LRP1B: variants seen among roughly 807,000 people sequenced by gnomAD.
LRP1B encodes the protein LDL receptor related protein 1B, also known as low-density lipoprotein receptor-related protein 1B.
Under a neutral mutation model 556.6 loss-of-function variants are expected in LRP1B, and 217 were observed. The observed-to-expected ratio is 0.39, with a 90% confidence interval of 0.35 to 0.44. The LOEUF (loss-of-function observed/expected upper bound fraction) is 0.44, where lower values mean the gene tolerates loss of function less well. LRP1B is among the 20% of genes least tolerant of loss of function. The pLI, the probability that LRP1B is intolerant of heterozygous loss-of-function variation, is 1.00. For synonymous variants in LRP1B, 2,047 were observed against 1,865.8 expected, an observed-to-expected ratio of 1.10 and a Z score of -2.50; for missense variants, 5,053 against 5,620.8, an observed-to-expected ratio of 0.90 and a Z score of 3.23.
rs70991157 is a variant in LRP1B at position 141,315,882 on chromosome 2, CTTTTTTTTTTTTTTTTT to C, written c.344-61258_344-61242del. Among the ~76,000 whole-genome samples the C allele has an allele frequency of 8.5e-3, 154 of 18,162 alleles. 3 individuals carry two copies. The South Asian group carries it at 0.13, about 15-fold the overall frequency. 11.9% of individuals were successfully genotyped at this position (18,162 alleles called of 152,430 possible). ...GAAAATCCTCTATCTTTAGTCTGGT[CTTTTTTTTTTTTTTTTT>C]TTTTTTTTTTTTTTTTTTAACATCT... On this transcript the variant is annotated intron_variant, in intron 3 of 90. Transcript: ENST00000389484.
intron 21 of LRP1B, among the ~76,000 whole-genome samples, chr2:140,915,541 C>T (rs1181342994): frequency 6.6e-6 from 1 of 151,762 alleles, no homozygotes; most frequent in African/African-American, 2.4e-5. Flanking sequence ...ATAATCCCAG[C>T]TACTCAGGAG....
chr2:141,773,710 T>C (rs1694970316), intron 2 of LRP1B, among the ~76,000 whole-genome samples: 3 of 151,806 alleles, frequency 2.0e-5, no homozygotes, highest in Admixed American at 2.0e-4. Context: ...GACTTTAAAC[T>C]CTTCTTTGGA....
chr2:140,391,638 G>A (rs1003151872), intron 66 of LRP1B, among the ~76,000 whole-genome samples: 1 of 152,072 alleles, frequency 6.6e-6, no homozygotes, highest in Non-Finnish European at 1.5e-5. Flanking sequence ...AGCATGGGAA[G>A]GTAGTATGAA....
At chr2:141,479,324 A>G (rs1037999049) in intron 3 of LRP1B, among the ~76,000 whole-genome samples, 40 of 152,160 alleles carry the variant, frequency 2.6e-4, no homozygotes, top group African/African-American at 9.4e-4. Context: ...TGACTATACA[A>G]TGTTTTAAAA....
At chr2:142,047,260 T>C (rs531746425) in intron 1 of LRP1B, among the ~76,000 whole-genome samples, 1 of 151,982 alleles carries the variant, frequency 6.6e-6, no homozygotes, top group Admixed American at 6.6e-5. Flanking sequence ...ACATGGAGGC[T>C]TGACATTTAG....
intron 32 of LRP1B, among the ~76,000 whole-genome samples, chr2:140,811,929 A>G (rs920660463): frequency 6.6e-6 from 1 of 152,202 alleles, no homozygotes; most frequent in Admixed American, 6.5e-5. Flanking sequence ...TTGCCCAAAG[A>G]CTCAAAAGAA....
At chr2:141,145,921 TC>T (rs374412445) in intron 7 of LRP1B, among the ~76,000 whole-genome samples, 1,485 of 104,916 alleles carry the variant, frequency 0.014, 33 homozygotes, top group African/African-American at 0.036. Context: ...TTTCTTTCTT[TC>T]TTTTTTTTTT....
intron 41 of LRP1B, among the ~76,000 whole-genome samples, chr2:140,682,764 GA>G (rs1163352771): frequency 6.6e-6 from 1 of 151,664 alleles, no homozygotes; most frequent in Non-Finnish European, 1.5e-5. Context: ...TGAACCAAGT[GA>G]AATATAAGCA....
chr2:141,212,331 T>C (rs1450863556), intron 6 of LRP1B, among the ~76,000 whole-genome samples: 4 of 126,162 alleles, frequency 3.2e-5, no homozygotes, highest in Admixed American at 9.7e-5. Context: ...CAGGCTGGAG[T>C]GCAGTGGCAC....
chr2:140,457,058 A>T (rs1687135127), intron 61 of LRP1B, among the ~76,000 whole-genome samples: 1 of 152,194 alleles, frequency 6.6e-6, no homozygotes, highest in African/African-American at 2.4e-5. Context: ...TTCCTATTAA[A>T]CATATGCTGA....
intron 7 of LRP1B, among the ~76,000 whole-genome samples, chr2:141,079,541 T>A (rs1162275034): frequency 2.6e-5 from 4 of 152,224 alleles, no homozygotes; most frequent in Admixed American, 2.0e-4. Context: ...TTGAGCACAC[T>A]ATAATAATCC....
intron 66 of LRP1B, among the ~76,000 whole-genome samples, chr2:140,398,505 CTCTT>C (rs939194430): frequency 2.8e-5 from 4 of 140,722 alleles, no homozygotes; most frequent in African/African-American, 8.0e-5. Flanking sequence ...TCTGTTTTTT[CTCTT>C]TCTTTCTCTT....
chr2:141,923,475 TG>T (rs1700249461), intron 1 of LRP1B, among the ~76,000 whole-genome samples: 1 of 123,824 alleles, frequency 8.1e-6, no homozygotes, highest in Admixed American at 9.2e-5. Flanking sequence ...TGTGTGTGTG[TG>T]TGTGTGTGTG....
intron 1 of LRP1B, among the ~76,000 whole-genome samples, chr2:141,934,431 T>A (rs751505370): frequency 1.3e-5 from 2 of 152,152 alleles, no homozygotes; most frequent in Non-Finnish European, 2.9e-5. Context: ...CTGAGGAGGA[T>A]ACATACAAAG....
At chr2:141,863,504 A>G (rs1698315300) in intron 1 of LRP1B, among the ~76,000 whole-genome samples, 1 of 152,204 alleles carries the variant, frequency 6.6e-6, no homozygotes. Context: ...ATTCAGCTTC[A>G]TATTTTATTA....
intron 7 of LRP1B, among the ~76,000 whole-genome samples, chr2:141,082,866 A>T (rs1699959838): frequency 6.6e-6 from 1 of 152,240 alleles, no homozygotes; most frequent in African/African-American, 2.4e-5. Flanking sequence ...CATTGTGACC[A>T]TCTTCACCCT....
chr2:141,370,496 T>C (rs994891647), intron 3 of LRP1B, among the ~76,000 whole-genome samples: 1 of 152,168 alleles, frequency 6.6e-6, no homozygotes, highest in African/African-American at 2.4e-5. Flanking sequence ...ATGGGATTAT[T>C]TGGGGTTGTT....
At chr2:140,708,848 A>C (rs1029075432) in intron 37 of LRP1B, among the ~76,000 whole-genome samples, 1 of 152,044 alleles carries the variant, frequency 6.6e-6, no homozygotes, top group African/African-American at 2.4e-5. Flanking sequence ...TATTATAAAG[A>C]AGTTTTTAAT....
intron 3 of LRP1B, among the ~76,000 whole-genome samples, chr2:141,444,808 G>A (rs991666220): frequency 1.1e-4 from 17 of 152,156 alleles, no homozygotes; most frequent in African/African-American, 4.1e-4. Context: ...GCTTTTTGAT[G>A]TGCTGCTGGA....
Sources: allele counts gnomAD v4.1 joint callset (sites outside exome capture counted in the v4.1 genomes callset), GRCh38; gene constraint gnomAD v4.1.1; transcripts MANE v1.5; gene names NCBI Gene and HGNC (gene_info 2026-07-23, HGNC 2026-07-21).